Variants in SLC35F3 observed in about 807,000 individuals in gnomAD.
SLC35F3 encodes the protein solute carrier family 35 member F3, also known as putative thiamine transporter SLC35F3.
SLC35F3 carries 25 observed loss-of-function variants against 49.9 expected under a neutral mutation model. The ratio of observed to expected loss-of-function variants is 0.50; its 90% CI spans 0.37 to 0.70. The LOEUF (loss-of-function observed/expected upper bound fraction) is 0.70, where lower values mean the gene tolerates loss of function less well. Ranked by LOEUF, SLC35F3 falls within the 30% of genes least tolerant of loss-of-function variation. The probability of loss-of-function intolerance (pLI) is 0.00; values close to 1 mark genes in which losing one functional copy is unlikely to be tolerated. For synonymous variants in SLC35F3, 275 were observed against 265.4 expected, an observed-to-expected ratio of 1.04 and a Z score of -0.35; for missense variants, 525 against 639.8, an observed-to-expected ratio of 0.82 and a Z score of 1.94.
At chr1:234,078,722 T>C (rs909262481) in intron 2 of SLC35F3, among the ~76,000 whole-genome samples, 2 of 152,248 alleles carry the variant, frequency 1.3e-5, no homozygotes, top group African/African-American at 4.8e-5. Context: ...AATTAAGTCC[T>C]TTTCTATGGC....
chr1:234,144,891 G>T (rs1385375411), intron 2 of SLC35F3, among the ~76,000 whole-genome samples: 1 of 152,146 alleles, frequency 6.6e-6, no homozygotes, highest in Non-Finnish European at 1.5e-5. Context: ...AGAGGACAAG[G>T]AATACGTGGT....
intron 3 of SLC35F3, among the ~76,000 whole-genome samples, chr1:234,237,305 G>A (rs1027283529): frequency 5.3e-5 from 8 of 152,240 alleles, no homozygotes; most frequent in African/African-American, 1.9e-4. Flanking sequence ...AGAACTTTGA[G>A]TGTGAATCCT....
At chr1:233,905,871 C>A in intron 2 of SLC35F3, 113 bp downstream of exon 2, 2 of 991,928 alleles carry the variant, frequency 2.0e-6, no homozygotes, top group Non-Finnish European at 1.5e-6. Context: ...TCCCGCCCTG[C>A]CTGCTGATAC....
At chr1:233,911,856 G>A (rs1480935882) in intron 2 of SLC35F3, among the ~76,000 whole-genome samples, 2 of 152,138 alleles carry the variant, frequency 1.3e-5, no homozygotes, top group African/African-American at 4.8e-5. Context: ...CAGGCTTTAG[G>A]GAGACGTGGG....
chr1:234,053,438 T>A (rs1271925422), intron 2 of SLC35F3, among the ~76,000 whole-genome samples: 1 of 152,228 alleles, frequency 6.6e-6, no homozygotes, highest in Non-Finnish European at 1.5e-5. Context: ...GTCTGTTTTA[T>A]CAGAGACTAG....
At chr1:234,107,971 CA>C (rs1665309157) in intron 2 of SLC35F3, among the ~76,000 whole-genome samples, 1 of 151,708 alleles carries the variant, frequency 6.6e-6, no homozygotes, top group Admixed American at 6.6e-5. Context: ...GAACTATTAG[CA>C]GTCAGCTATG....
At chr1:234,107,801 T>TAAACAA (rs1572054393) in intron 2 of SLC35F3, among the ~76,000 whole-genome samples, 2 of 152,126 alleles carry the variant, frequency 1.3e-5, no homozygotes, top group East Asian at 3.9e-4. Flanking sequence ...ACACAGGAGG[T>TAAACAA]AAACAATAAA....
chr1:233,948,915 C>G (rs1425257128), intron 2 of SLC35F3, among the ~76,000 whole-genome samples: 1 of 152,130 alleles, frequency 6.6e-6, no homozygotes, highest in Non-Finnish European at 1.5e-5. Context: ...ATTTTCTAAG[C>G]TGGGAGGCTG....
intron 3 of SLC35F3, among the ~76,000 whole-genome samples, chr1:234,239,485 G>A (rs1667521208): frequency 6.6e-6 from 1 of 152,166 alleles, no homozygotes; most frequent in Non-Finnish European, 1.5e-5. Flanking sequence ...TTTAGCAAAG[G>A]ATCATCTGCA....
intron 2 of SLC35F3, among the ~76,000 whole-genome samples, chr1:234,137,512 G>A (rs1254870104): frequency 6.6e-6 from 1 of 152,180 alleles, no homozygotes; most frequent in East Asian, 1.9e-4. Flanking sequence ...GGAATGGGAA[G>A]TAAAGGACTT....
At chr1:234,313,687 C>G (rs78744334) in intron 4 of SLC35F3, among the ~76,000 whole-genome samples, 3,990 of 152,194 alleles carry the variant, frequency 0.026, 82 homozygotes, top group South Asian at 0.084. Context: ...CACACCCACC[C>G]TTAGCACCTG....
intron 7 of SLC35F3, among the ~76,000 whole-genome samples, chr1:234,322,657 G>GTGTGTA (rs1657649656): frequency 1.5e-5 from 2 of 133,394 alleles, no homozygotes; most frequent in African/African-American, 3.2e-5. Flanking sequence ...ATGCGTGTGT[G>GTGTGTA]TGTGTGTGTG....
intron 2 of SLC35F3, among the ~76,000 whole-genome samples, chr1:234,089,888 A>G (rs1461476612): frequency 6.6e-6 from 1 of 152,238 alleles, no homozygotes; most frequent in Admixed American, 6.5e-5. Flanking sequence ...ATAAGATAGG[A>G]AAATGTGAAA....
intron 2 of SLC35F3, among the ~76,000 whole-genome samples, chr1:234,044,769 T>C (rs1157112858): frequency 6.6e-6 from 1 of 152,222 alleles, no homozygotes; most frequent in African/African-American, 2.4e-5. Flanking sequence ...AGTTGGGTTA[T>C]TTATCATAAA....
chr1:233,970,283 GTTC>G (rs1662971700), intron 2 of SLC35F3, among the ~76,000 whole-genome samples: 1 of 152,152 alleles, frequency 6.6e-6, no homozygotes, highest in African/African-American at 2.4e-5. Context: ...TGCTCAGTGA[GTTC>G]TTCAGAAGAA....
At chr1:234,052,587 A>T (rs1393231896) in intron 2 of SLC35F3, among the ~76,000 whole-genome samples, 1 of 152,036 alleles carries the variant, frequency 6.6e-6, no homozygotes, top group Non-Finnish European at 1.5e-5. Context: ...TCAAAAAATG[A>T]GCTCCTGGAT....
chr1:234,035,922 T>C lies in SLC35F3; in HGVS notation c.283+130164T>C, dbSNP rs1033526205. Among the ~76,000 whole-genome samples the C allele has an allele frequency of 2.0e-5, 3 of 152,216 alleles. No individual in the cohort carries two copies. The East Asian group carries it at 5.8e-4, about 29-fold the overall frequency. On this transcript the variant is annotated intron_variant, in intron 2 of 7. Transcript: ENST00000366618. ...TTTCTGTTTGTTTCAGCTCCTATAT[T>C]TCAAATTAAAGAATAAATAAAGACT... is the stretch of plus-strand genomic sequence containing the variant.
rs1657590459 is a variant in SLC35F3, at chr1:234,320,479, C to A, written c.1237+292C>A. Among the ~76,000 whole-genome samples, 1 of 152,124 alleles carries A rather than the reference C, an allele frequency of 6.6e-6. No homozygotes were observed. The highest frequency in any genetic ancestry group is 1.9e-4 in the East Asian group (1 of 5,190). ...TCCATAATGGGCTGATTTTCACATA[C>A]CACTTCAAGACACAGAAAGTCTAAA... On this transcript the variant is annotated intron_variant, in intron 7 of 7. Coordinates refer to ENST00000366618, the MANE Select transcript of SLC35F3 (RefSeq NM_173508.4). The surrounding 1 kb of genome is among the most constrained non-coding windows in gnomAD (Gnocchi z 4.8).
At chr1:234,097,903 G>A (rs1007745314) in intron 2 of SLC35F3, among the ~76,000 whole-genome samples, 1 of 152,246 alleles carries the variant, frequency 6.6e-6, no homozygotes, top group Non-Finnish European at 1.5e-5. Flanking sequence ...GCCAAGTGAA[G>A]GTGATGTGAT....
Sources: allele counts gnomAD v4.1 joint callset (sites outside exome capture counted in the v4.1 genomes callset), GRCh38; gene constraint gnomAD v4.1.1; non-coding constraint Gnocchi (gnomAD v3.1); transcripts MANE v1.5; gene names NCBI Gene and HGNC (gene_info 2026-07-23, HGNC 2026-07-21).